ZNF618: variants seen among roughly 807,000 people sequenced by gnomAD.
The protein encoded by ZNF618 is neural precursor cell expressed, developmentally down-regulated 10.
In ZNF618, 34 loss-of-function variants were observed where a neutral mutation model predicts 103.0. The ratio of observed to expected loss-of-function variants is 0.33; its 90% CI spans 0.25 to 0.44. ZNF618 has a LOEUF of 0.44. Among genes scored for constraint, ZNF618 ranks in the 20% least tolerant of loss-of-function variants. The pLI is 1.00. For synonymous variants in ZNF618, 551 were observed against 542.2 expected (o/e 1.02, Z -0.23); for missense variants, 1,059 against 1,295.4 (o/e 0.82, Z 2.80).
Position 114,002,066 on chromosome 9 carries a change from G to A in ZNF618, c.504G>A (p.Ala168=), listed in dbSNP as rs200100133. The change falls in exon 5 of 15, where the codon GCG becomes GCA. Residue 168 remains alanine, a synonymous_variant. Coordinates refer to ENST00000374126, the MANE Select transcript of ZNF618 (RefSeq NM_001318042.2). ...YYNCFQTHVR[A]HRDTEATSGE... ...ACTGCTTCCAGACCCACGTGCGGGCGCACCGAGGTGAGAGGAGTGTCCCTG... is the reference window on the plus strand; with the variant it reads ...ACTGCTTCCAGACCCACGTGCGGGCACACCGAGGTGAGAGGAGTGTCCCTG... 2.6e-5 allele frequency: 42 copies of A among 1,612,742 alleles called. No homozygotes were observed. In the East Asian group the frequency reaches 3.8e-4, roughly 15 times the overall value.
At chr9:113,950,069 C>T (rs545544522) in intron 1 of ZNF618, among the ~76,000 whole-genome samples, 61 of 152,290 alleles carry the variant, frequency 4.0e-4, no homozygotes, top group Non-Finnish European at 8.1e-4. Flanking sequence ...AATTATATCC[C>T]TCAATTCTAA....
intron 10 of ZNF618, among the ~76,000 whole-genome samples, chr9:114,019,756 A>G (rs1432091975): frequency 6.6e-6 from 1 of 152,206 alleles, no homozygotes; most frequent in Non-Finnish European, 1.5e-5. Flanking sequence ...GTTCTTTGCC[A>G]GATACATGTA....
At chr9:113,899,751 G>A (rs968569370) in intron 1 of ZNF618, among the ~76,000 whole-genome samples, 4 of 152,172 alleles carry the variant, frequency 2.6e-5, no homozygotes, top group East Asian at 1.9e-4. Flanking sequence ...TGGCTGGCTC[G>A]TTTCACTCAG....
chr9:113,994,042 G>A (rs1826009748), intron 3 of ZNF618, among the ~76,000 whole-genome samples: 2 of 152,208 alleles, frequency 1.3e-5, no homozygotes, highest in African/African-American at 4.8e-5. Context: ...AGTCAAGGAT[G>A]AGATAGATGG....
chr9:114,042,546 A>G (rs1031042249), intron 13 of ZNF618, among the ~76,000 whole-genome samples: 5 of 152,290 alleles, frequency 3.3e-5, no homozygotes, highest in African/African-American at 1.2e-4. Context: ...AAAAAAATTT[A>G]GAGCAGGTGC....
chr9:114,031,343 G>T (rs1256845631), intron 11 of ZNF618, among the ~76,000 whole-genome samples: 1 of 152,200 alleles, frequency 6.6e-6, no homozygotes. Flanking sequence ...TTGAAGGGAG[G>T]GTTGTCCTTG....
chr9:113,964,582 T>C (rs1417442752), intron 1 of ZNF618, among the ~76,000 whole-genome samples: 4 of 152,004 alleles, frequency 2.6e-5, no homozygotes, highest in Admixed American at 6.5e-5. Context: ...AATCTTTATC[T>C]CTTCATCTTT....
Position 114,055,708 on chromosome 9 carries a change from T to TA in ZNF618, c.*5554dup, listed in dbSNP as rs201068018. On this transcript the variant is annotated 3_prime_UTR_variant, in exon 15 of 15. Transcript: ENST00000374126. Reference sequence around the variant, plus strand: ...TGAGTGCAAGAAACTCAAGTCATCTTAAAAAAAAAAAAATACAAAAAAAAT... The same window carrying TA: ...TGAGTGCAAGAAACTCAAGTCATCTTAAAAAAAAAAAAAATACAAAAAAAAT... 0.24 allele frequency: 33,591 copies of TA among 139,420 alleles called. 4,731 individuals carry two copies. Among genetic ancestry groups the TA allele is most frequent in the East Asian group, 0.49 (2,370 of 4,854 alleles). The allele number at this position is 139,420 out of a possible 1,614,324, so 8.6% of individuals were successfully genotyped here.
chr9:114,032,577 C>A, intron 11 of ZNF618, 68 bp from the exon 12 acceptor site: 1 of 1,470,584 alleles, frequency 6.8e-7, no homozygotes, highest in Non-Finnish European at 9.5e-7. Context: ...ACCCAGCCTA[C>A]CCCTCCCTTG....
At chr9:113,948,296 T>C (rs1176862696) in intron 1 of ZNF618, among the ~76,000 whole-genome samples, 3 of 152,196 alleles carry the variant, frequency 2.0e-5, no homozygotes, top group Admixed American at 2.0e-4. Flanking sequence ...ACCTGGAATA[T>C]GACAGTTCTA....
intron 13 of ZNF618, among the ~76,000 whole-genome samples, chr9:114,038,395 C>A (rs1302690030): frequency 1.3e-5 from 2 of 152,220 alleles, no homozygotes; most frequent in African/African-American, 4.8e-5. Flanking sequence ...CTGCTTTGTT[C>A]TGGTTCAGCG....
intron 10 of ZNF618, among the ~76,000 whole-genome samples, chr9:114,019,209 T>C (rs981228489): frequency 1.3e-4 from 20 of 152,262 alleles, no homozygotes; most frequent in Non-Finnish European, 7.3e-5. Context: ...TTCTGAGCAA[T>C]GTTCTATTGT....
At chr9:113,885,308 G>A (rs1324899336) in intron 1 of ZNF618, among the ~76,000 whole-genome samples, 1 of 152,176 alleles carries the variant, frequency 6.6e-6, no homozygotes, top group Non-Finnish European at 1.5e-5. Flanking sequence ...AAATGGGCTG[G>A]TAATGATTCT....
intron 1 of ZNF618, among the ~76,000 whole-genome samples, chr9:113,955,953 G>T (rs1163021031): frequency 6.6e-6 from 1 of 151,918 alleles, no homozygotes; most frequent in Admixed American, 6.6e-5. Context: ...TAAAAGAGGA[G>T]CATCCCAGCA....
chr9:113,906,677 A>G (rs1314553755), intron 1 of ZNF618, among the ~76,000 whole-genome samples: 1 of 152,232 alleles, frequency 6.6e-6, no homozygotes, highest in Non-Finnish European at 1.5e-5. Context: ...TTAAGCAGCT[A>G]ATTCCTAGCA....
chr9:113,914,091 T>G (rs1282859272), intron 1 of ZNF618, among the ~76,000 whole-genome samples: 1 of 152,168 alleles, frequency 6.6e-6, no homozygotes, highest in African/African-American at 2.4e-5. Context: ...ACTTTTTATT[T>G]AACATGCTGC....
At chr9:113,979,441 G>C (rs1187251608) in intron 2 of ZNF618, among the ~76,000 whole-genome samples, 1 of 152,202 alleles carries the variant, frequency 6.6e-6, no homozygotes, top group Non-Finnish European at 1.5e-5. Flanking sequence ...ATATAACTTT[G>C]ACACTCAAGA....
chr9:113,889,350 T>C (rs182803644), intron 1 of ZNF618, among the ~76,000 whole-genome samples: 6 of 148,360 alleles, frequency 4.0e-5, no homozygotes, highest in East Asian at 2.4e-4. Flanking sequence ...TCTCTCTTTC[T>C]CTCCCTCCCT....
intron 13 of ZNF618, among the ~76,000 whole-genome samples, chr9:114,042,847 T>C (rs747752432): frequency 1.7e-4 from 26 of 152,048 alleles, no homozygotes; most frequent in Non-Finnish European, 3.7e-4. Context: ...AAAAATAATA[T>C]TACCATCAAC....
Sources: allele counts gnomAD v4.1 joint callset (sites outside exome capture counted in the v4.1 genomes callset), GRCh38; gene constraint gnomAD v4.1.1; transcripts MANE v1.5; gene names NCBI Gene and HGNC (gene_info 2026-07-23, HGNC 2026-07-21).